The following MTRF1L variants were observed in gnomAD, a reference collection of about 807,000 sequenced individuals.
The protein encoded by MTRF1L is peptide chain release factor 1-like, mitochondrial.
Under a neutral mutation model 40.0 loss-of-function variants are expected in MTRF1L, and 29 were observed. That is an observed-to-expected ratio of 0.73 (90% confidence interval 0.54 to 0.99). MTRF1L has a LOEUF of 0.99. Among genes scored for constraint, MTRF1L ranks in the 50% least tolerant of loss-of-function variants. The pLI, the probability that MTRF1L is intolerant of heterozygous loss-of-function variation, is 0.00. For synonymous variants in MTRF1L, 150 were observed against 175.8 expected (o/e 0.85, Z 1.16); for missense variants, 412 against 464.5 (o/e 0.89, Z 1.04).
At chr6:153,000,108 C>T (rs1464484508) in intron 1 of MTRF1L, among the ~76,000 whole-genome samples, 3 of 152,190 alleles carry the variant, frequency 2.0e-5, no homozygotes, top group Admixed American at 1.3e-4. Flanking sequence ...CTAGCTTAAT[C>T]GCTAAGGTAC....
chr6:152,995,353 T>C, intron 2 of MTRF1L, 34 bp from the exon 3 acceptor site: 1 of 1,469,718 alleles, frequency 6.8e-7, no homozygotes, highest in South Asian at 1.3e-5. Flanking sequence ...CTCCTATAAT[T>C]AAGATTTAAA....
At chr6:152,991,855 A>G (rs1175277558) in intron 5 of MTRF1L, among the ~76,000 whole-genome samples, 1 of 152,162 alleles carries the variant, frequency 6.6e-6, no homozygotes, top group Admixed American at 6.5e-5. Flanking sequence ...GGCCTAGCAC[A>G]AAGTATTTCT....
In MTRF1L at chr6:152,989,638, C is replaced by T. The variant is rs1778429445; in HGVS notation, c.*257G>A. 1 of 402,732 alleles carries T rather than the reference C, an allele frequency of 2.5e-6. No individual in the cohort carries two copies. The highest frequency in any genetic ancestry group is 4.4e-6 in the Non-Finnish European group (1 of 225,840). The allele number at this position is 402,732 out of a possible 1,614,324, so 24.9% of individuals were successfully genotyped here. A position where few individuals can be genotyped will look rare whatever the true frequency, so the allele number is the denominator to read the frequency against. On this transcript the variant is annotated 3_prime_UTR_variant, in exon 7 of 7. Coordinates refer to ENST00000367233, the MANE Select transcript of MTRF1L (RefSeq NM_019041.7). ...AATTAGGAGACTGCTGTGTTGCTAA[C>T]GTTATATGCATTTTTAACTTATGAT...
Position 153,002,294 on chromosome 6 carries a change from T to C in MTRF1L, c.259+133A>G. The C allele has an allele frequency of 3.0e-6, 4 of 1,354,654 alleles. No individual in the cohort carries two copies. The South Asian group carries it at 3.7e-5, about 13-fold the overall frequency. 83.9% of individuals were successfully genotyped at this position (1,354,654 alleles called of 1,614,324 possible). On this transcript the variant is annotated intron_variant, in intron 1 of 6. Transcript: ENST00000367233. The stretch of plus-strand genomic sequence containing the variant: ...GGGATCACAGCACGTAATGATGTCC[T>C]GACCTCTGATCCAAAATAAAAACGG...
At chr6:152,992,257 T>C (rs1328850343) in intron 5 of MTRF1L, among the ~76,000 whole-genome samples, 1 of 152,230 alleles carries the variant, frequency 6.6e-6, no homozygotes, top group Non-Finnish European at 1.5e-5. Context: ...CTTTATCACA[T>C]GTGAATCACT....
At chr6:152,997,701 C>T (rs1480288157) in intron 2 of MTRF1L, among the ~76,000 whole-genome samples, 1 of 152,124 alleles carries the variant, frequency 6.6e-6, no homozygotes, top group East Asian at 1.9e-4. Context: ...TTGAGAAAGC[C>T]AGAGTTTTAG....
Position 152,994,693 on chromosome 6 carries a change from A to G in MTRF1L, c.524-17T>C. On this transcript the variant is annotated splice_polypyrimidine_tract_variant and intron_variant, in intron 3 of 6. Coordinates refer to ENST00000367233, the MANE Select transcript of MTRF1L (RefSeq NM_019041.7). ...TAAGGCCACCTTGAAAATACAGGGA[A>G]ATAGAATTATTTTTATTATTCCTGC... is the stretch of plus-strand genomic sequence containing the variant. 2.5e-6 allele frequency: 4 copies of G among 1,613,836 alleles called. No individual in the cohort carries two copies. The highest frequency in any genetic ancestry group is 3.4e-6 in the Non-Finnish European group (4 of 1,179,710).
rs908494933 is a variant in MTRF1L at position 152,988,512 on chromosome 6, A to C, written c.*1383T>G. ...GCCACAGGTGCCTAGCTACTGGGTC[A>C]TACTTTTTTTTTTTTTTTTTTTGAG... On this transcript the variant is annotated 3_prime_UTR_variant, in exon 7 of 7. Coordinates refer to ENST00000367233, the MANE Select transcript of MTRF1L (RefSeq NM_019041.7). 5.8e-4 allele frequency: 30 copies of C among 51,336 alleles called. 2 individuals carry two copies. The highest frequency in any genetic ancestry group is 2.0e-4 in the Admixed American group (1 of 4,934). 3.2% of individuals were successfully genotyped at this position (51,336 alleles called of 1,614,324 possible).
At chr6:152,993,052 T>C in intron 4 of MTRF1L, 78 bp from the exon 5 acceptor site, 2 of 985,342 alleles carry the variant, frequency 2.0e-6, no homozygotes, top group Admixed American at 1.8e-5. Flanking sequence ...CATTTATGAA[T>C]ATACAACATG....
Position 153,002,620 on chromosome 6 carries a change from G to A in MTRF1L, c.66C>T (p.Ala22=), listed in dbSNP as rs2129102870. ...WLWPRRAVGP[A]RRPLSSGSPP... ...GGCTACCGGAGCTCAGGGGCCGGCGGGCTGGGCCAACGGCCCGGCGGGGCC... is the reference window on the plus strand; with the variant it reads ...GGCTACCGGAGCTCAGGGGCCGGCGAGCTGGGCCAACGGCCCGGCGGGGCC... Residue 22 remains alanine, a synonymous_variant, in exon 1 of 7, where the codon GCC becomes GCT. Transcript: ENST00000367233. The A allele has an allele frequency of 6.5e-7, 1 of 1,537,578 alleles. No individual in the cohort carries two copies. Among genetic ancestry groups the A allele is most frequent in the Non-Finnish European group, 8.8e-7 (1 of 1,142,622 alleles).
At chr6:152,995,434 T>A in intron 2 of MTRF1L, 115 bp from the exon 3 acceptor site, 2 of 918,002 alleles carry the variant, frequency 2.2e-6, no homozygotes, top group Non-Finnish European at 3.2e-6. Context: ...GCAAATAATG[T>A]AATATTGCTG....
intron 1 of MTRF1L, among the ~76,000 whole-genome samples, chr6:152,999,579 G>T (rs1778838580): frequency 6.6e-6 from 1 of 152,196 alleles, no homozygotes; most frequent in South Asian, 2.1e-4. Flanking sequence ...ATTCCCACCT[G>T]TTGTGGGAGG....
At chr6:152,990,472 G>C (rs560459871) in intron 6 of MTRF1L, 1 of 166,920 alleles carries the variant, frequency 6.0e-6, no homozygotes, top group East Asian at 1.8e-4. Flanking sequence ...ATCTTCCGTG[G>C]TAACAAGGTG....
rs374837043 is a variant in MTRF1L at position 153,001,242 on chromosome 6, A to G, written c.259+1185T>C. Among the ~76,000 whole-genome samples, 10 of 152,276 alleles carry G rather than the reference A, an allele frequency of 6.6e-5. No individual in the cohort carries two copies. The South Asian group carries it at 1.0e-3, about 16-fold the overall frequency. ...TCATTTATTTATCTACTTCAGGGTC[A>G]CAAAGCTCTGGCTGTTTTTTTCTTG... On this transcript the variant is annotated intron_variant, in intron 1 of 6. Coordinates refer to ENST00000367233, the MANE Select transcript of MTRF1L (RefSeq NM_019041.7).
At chr6:152,996,463 A>G (rs146356172) in intron 2 of MTRF1L, among the ~76,000 whole-genome samples, 33 of 152,312 alleles carry the variant, frequency 2.2e-4, no homozygotes, top group East Asian at 1.9e-3. Flanking sequence ...TGCGAGCTAT[A>G]CTACACTTTT....
rs527286904 is a variant in MTRF1L at position 152,998,291 on chromosome 6, A to G, written c.339+259T>C. On this transcript the variant is annotated intron_variant, in intron 2 of 6. Coordinates refer to ENST00000367233, the MANE Select transcript of MTRF1L (RefSeq NM_019041.7). The stretch of plus-strand genomic sequence containing the variant: ...GTATGATGAAAACAGGACCATGTGA[A>G]GTTTGTTCTTTAAAAACCAGTTTAT... 3 of 224,828 alleles carry G rather than the reference A, an allele frequency of 1.3e-5. No individual in the cohort carries two copies. In the East Asian group the frequency reaches 2.8e-4, roughly 21 times the overall value. The allele number at this position is 224,828 out of a possible 1,614,324, so 13.9% of individuals were successfully genotyped here.
chr6:152,996,455 C>G (rs544144869), intron 2 of MTRF1L, among the ~76,000 whole-genome samples: 5 of 152,126 alleles, frequency 3.3e-5, no homozygotes, highest in Non-Finnish European at 4.4e-5. Flanking sequence ...GGGTAAAATG[C>G]GAGCTATACT....
chr6:152,998,367 A>G, intron 2 of MTRF1L, 183 bp downstream of exon 2: 1 of 423,238 alleles, frequency 2.4e-6, no homozygotes, highest in Non-Finnish European at 4.2e-6. Context: ...ACATCACATC[A>G]TATACCTTAA....
chr6:153,002,429 TGCA>T lies in MTRF1L; in HGVS notation c.254_256del (p.Leu85del). 1.2e-6 allele frequency: 2 copies of T among 1,613,936 alleles called. No individual in the cohort carries two copies. Among genetic ancestry groups the T allele is most frequent in the Non-Finnish European group, 1.7e-6 (2 of 1,179,862 alleles). The stretch of plus-strand genomic sequence containing the variant: ...TCTCCCCCGGGCCCGACCCTTACCG[TGCA>T]GCAAGTGCTCAGTCTCCCGCAGCTC... On this transcript the variant is annotated inframe_deletion, in exon 1 of 7. Coordinates refer to ENST00000367233, the MANE Select transcript of MTRF1L (RefSeq NM_019041.7).
Sources: allele counts gnomAD v4.1 joint callset (sites outside exome capture counted in the v4.1 genomes callset), GRCh38; gene constraint gnomAD v4.1.1; transcripts MANE v1.5; gene names NCBI Gene and HGNC (gene_info 2026-07-23, HGNC 2026-07-21).